The following PDE4D variants were observed in gnomAD, a reference collection of about 807,000 sequenced individuals.
PDE4D encodes the protein phosphodiesterase 4D.
In PDE4D, 24 loss-of-function variants were observed where a neutral mutation model predicts 87.4. That is an observed-to-expected ratio of 0.27 (90% CI 0.20 to 0.39). The LOEUF is 0.39. Among genes scored for constraint, PDE4D ranks in the 10% least tolerant of loss-of-function variants. PDE4D has a pLI of 1.00. For missense variants in PDE4D, 714 were observed against 1,041.0 expected, an observed-to-expected ratio of 0.69 and a Z score of 4.32; for synonymous variants, 384 against 383.2, an observed-to-expected ratio of 1.00 and a Z score of -0.02.
In PDE4D at chr5:59,175,899, G is replaced by A. The variant is rs544067479; in HGVS notation, c.808+4696C>T. Among the ~76,000 whole-genome samples, 7 of 151,206 alleles carry A rather than the reference G, an allele frequency of 4.6e-5. No individual in the cohort carries two copies. In the South Asian group the frequency reaches 1.0e-3, roughly 23 times the overall value. ...CCCACCTTGGTCTCCTGAGTAGCCG[G>A]GATTATAGGGGTGTGCCACCATGCC... On this transcript the variant is annotated intron_variant, in intron 5 of 14. Coordinates refer to ENST00000340635, the MANE Select transcript of PDE4D (RefSeq NM_001104631.2).
intron 2 of PDE4D, among the ~76,000 whole-genome samples, chr5:60,102,255 T>A (rs1034867599): frequency 4.6e-5 from 7 of 152,162 alleles, no homozygotes; most frequent in Non-Finnish European, 1.0e-4. Flanking sequence ...TTTGCTTTTT[T>A]TTAGTTTTTT....
chr5:59,217,892 A>T (rs558540088), intron 1 of PDE4D: 1 of 356,548 alleles, frequency 2.8e-6, no homozygotes, highest in Admixed American at 3.6e-5. Context: ...TACATTAGGG[A>T]TCTTTGGCAA....
intron 3 of PDE4D, among the ~76,000 whole-genome samples, chr5:59,187,510 T>A (rs1370233136): frequency 2.0e-5 from 3 of 152,188 alleles, no homozygotes; most frequent in Admixed American, 6.5e-5. Context: ...CTTAAACTGT[T>A]CATTTTAGTA....
chr5:59,206,188 T>TTC (rs1382334075), intron 2 of PDE4D, among the ~76,000 whole-genome samples: 1 of 152,160 alleles, frequency 6.6e-6, no homozygotes, highest in Non-Finnish European at 1.5e-5. Context: ...TTGGGGTTGT[T>TTC]TCCTCTGTGA....
chr5:60,221,427 TTC>T (rs1489204264), intron 1 of PDE4D, among the ~76,000 whole-genome samples: 1 of 152,150 alleles, frequency 6.6e-6, no homozygotes, highest in African/African-American at 2.4e-5. Context: ...CTGTATTAAT[TTC>T]TCTCTTATCA....
chr5:60,394,685 T>C (rs1465823264), intron 1 of PDE4D, among the ~76,000 whole-genome samples: 1 of 152,178 alleles, frequency 6.6e-6, no homozygotes, highest in African/African-American at 2.4e-5. Flanking sequence ...TTTTCCTTAG[T>C]AAATTCAGGT....
At chr5:60,245,851 C>G (rs1747698372) in intron 1 of PDE4D, among the ~76,000 whole-genome samples, 1 of 151,548 alleles carries the variant, frequency 6.6e-6, no homozygotes, top group South Asian at 2.1e-4. Flanking sequence ...ATGAATAAGA[C>G]CTAAGGTTTG....
intron 5 of PDE4D, among the ~76,000 whole-genome samples, chr5:59,065,109 CACACACACACACACAT>C (rs1431537306): frequency 1.3e-4 from 16 of 127,772 alleles, no homozygotes; most frequent in African/African-American, 4.8e-4. Context: ...CACACACACA[CACACACACACACACAT>C]ATACAATGAA....
chr5:59,651,752 GA>G (rs1313807921), intron 1 of PDE4D, among the ~76,000 whole-genome samples: 1 of 151,916 alleles, frequency 6.6e-6, no homozygotes, highest in Non-Finnish European at 1.5e-5. Context: ...CAGAAAGAAA[GA>G]AAAAAAGATA....
intron 2 of PDE4D, among the ~76,000 whole-genome samples, chr5:60,108,598 G>C (rs1332410576): frequency 6.6e-6 from 1 of 152,128 alleles, no homozygotes; most frequent in Non-Finnish European, 1.5e-5. Flanking sequence ...CACGCTACCT[G>C]ACTTCAAACT....
chr5:60,397,318 T>G (rs1346209066), intron 1 of PDE4D, among the ~76,000 whole-genome samples: 1 of 152,216 alleles, frequency 6.6e-6, no homozygotes, highest in African/African-American at 2.4e-5. Context: ...AATGAAATCA[T>G]TTTGAAGAGA....
intron 5 of PDE4D, among the ~76,000 whole-genome samples, chr5:59,122,090 T>G (rs1258365990): frequency 8.4e-5 from 11 of 131,184 alleles, no homozygotes; most frequent in Non-Finnish European, 1.4e-4. Flanking sequence ...TGCAGTGAGC[T>G]GAGATGGCAC....
At chr5:59,785,621 C>G (rs1251583575) in intron 1 of PDE4D, among the ~76,000 whole-genome samples, 1 of 152,222 alleles carries the variant, frequency 6.6e-6, no homozygotes, top group Non-Finnish European at 1.5e-5. Context: ...AGTGGACAGA[C>G]AGGTGGCTGT....
intron 1 of PDE4D, among the ~76,000 whole-genome samples, chr5:60,322,134 G>A (rs1756336718): frequency 6.6e-6 from 1 of 152,018 alleles, no homozygotes; most frequent in Non-Finnish European, 1.5e-5. Flanking sequence ...ATTCACAATA[G>A]CAAAGACATG....
At chr5:59,467,073 G>A (rs753891177) in intron 1 of PDE4D, among the ~76,000 whole-genome samples, 1 of 152,124 alleles carries the variant, frequency 6.6e-6, no homozygotes, top group Non-Finnish European at 1.5e-5. Context: ...GAAAGACCCC[G>A]TGAAGGAATA....
At chr5:60,318,355 C>T (rs376288594) in intron 1 of PDE4D, among the ~76,000 whole-genome samples, 1 of 152,210 alleles carries the variant, frequency 6.6e-6, no homozygotes, top group Non-Finnish European at 1.5e-5. Flanking sequence ...TCCTCCATCC[C>T]TTTATTTTGA....
At chr5:60,495,104 A>G (rs1749742134) in intron 1 of PDE4D, among the ~76,000 whole-genome samples, 1 of 152,182 alleles carries the variant, frequency 6.6e-6, no homozygotes, top group African/African-American at 2.4e-5. Context: ...ACCTTCCCAC[A>G]ATACAGATAA....
chr5:60,416,407 C>T (rs1458719038), intron 1 of PDE4D, among the ~76,000 whole-genome samples: 1 of 152,230 alleles, frequency 6.6e-6, no homozygotes, highest in Non-Finnish European at 1.5e-5. Context: ...TGGGTCCACA[C>T]TGTCTTTATG....
intron 2 of PDE4D, among the ~76,000 whole-genome samples, chr5:60,135,472 G>T (rs963727703): frequency 3.3e-5 from 5 of 152,088 alleles, no homozygotes; most frequent in African/African-American, 1.2e-4. Flanking sequence ...TGCAAGATGA[G>T]CTATGAAAAA....
Sources: allele counts gnomAD v4.1 joint callset (sites outside exome capture counted in the v4.1 genomes callset), GRCh38; gene constraint gnomAD v4.1.1; transcripts MANE v1.5; gene names NCBI Gene and HGNC (gene_info 2026-07-23, HGNC 2026-07-21).